The following NDST4 variants were observed in gnomAD, a reference collection of about 807,000 sequenced individuals.
NDST4 encodes N-heparan sulfate sulfotransferase 4.
NDST4 carries 63 observed loss-of-function variants against 100.8 expected under a neutral mutation model. That is an observed-to-expected ratio of 0.62 (90% CI 0.51 to 0.77). The LOEUF (loss-of-function observed/expected upper bound fraction) is 0.77, where lower values mean the gene tolerates loss of function less well. Ranked by LOEUF, NDST4 falls within the 30% of genes least tolerant of loss-of-function variation. The pLI is 0.00. For synonymous variants in NDST4, 377 were observed against 361.8 expected, an observed-to-expected ratio of 1.04 and a Z score of -0.48; for missense variants, 943 against 1,018.4, an observed-to-expected ratio of 0.93 and a Z score of 1.01.
chr4:115,068,068 G>T (rs1251134874), intron 2 of NDST4, among the ~76,000 whole-genome samples: 2 of 151,980 alleles, frequency 1.3e-5, no homozygotes, highest in East Asian at 1.9e-4. Context: ...ACAAAGAGAA[G>T]ATTTCAAATG....
intron 2 of NDST4, among the ~76,000 whole-genome samples, chr4:115,043,216 G>T (rs1215214311): frequency 2.6e-5 from 4 of 151,982 alleles, no homozygotes; most frequent in Non-Finnish European, 5.9e-5. Context: ...GCAAAATATT[G>T]GTTGTCAATC....
intron 12 of NDST4, among the ~76,000 whole-genome samples, chr4:114,831,183 C>G (rs56047645): frequency 0.24 from 32,406 of 135,862 alleles, 5,847 homozygotes; most frequent in African/African-American, 0.51. Context: ...CTCCCGAGTA[C>G]CTGGGACTAC....
intron 2 of NDST4, among the ~76,000 whole-genome samples, chr4:115,021,100 A>T (rs1359797180): frequency 6.6e-6 from 1 of 152,040 alleles, no homozygotes; most frequent in African/African-American, 2.4e-5. Flanking sequence ...ACAAAAAAAG[A>T]TATTGCATAC....
intron 2 of NDST4, among the ~76,000 whole-genome samples, chr4:114,993,643 A>G (rs191814532): frequency 8.6e-4 from 131 of 152,068 alleles, no homozygotes; most frequent in Non-Finnish European, 1.6e-3. Context: ...TTAAAAACCA[A>G]ATGATGAAGG....
At chr4:115,091,958 C>T (rs1311203613) in intron 1 of NDST4, among the ~76,000 whole-genome samples, 8 of 151,978 alleles carry the variant, frequency 5.3e-5, no homozygotes, top group Non-Finnish European at 1.2e-4. Context: ...ATATAAGATG[C>T]AAACTATATA....
chr4:114,910,758 T>C (rs1016969190), intron 6 of NDST4, among the ~76,000 whole-genome samples: 2 of 152,208 alleles, frequency 1.3e-5, no homozygotes, highest in South Asian at 4.1e-4. Context: ...TACTAGGCCC[T>C]TCTCCAAACT....
chr4:115,064,469 A>C (rs1728890128), intron 2 of NDST4, among the ~76,000 whole-genome samples: 1 of 152,058 alleles, frequency 6.6e-6, no homozygotes, highest in South Asian at 2.1e-4. Context: ...TGATGGTAGG[A>C]GGCACTCATG....
At chr4:115,007,986 T>C (rs1378939073) in intron 2 of NDST4, among the ~76,000 whole-genome samples, 1 of 129,520 alleles carries the variant, frequency 7.7e-6, no homozygotes, top group Non-Finnish European at 1.7e-5. Context: ...CACCACACAA[T>C]GGGCACTAAA....
At chr4:115,046,386 C>A (rs1169142542) in intron 2 of NDST4, among the ~76,000 whole-genome samples, 1 of 152,158 alleles carries the variant, frequency 6.6e-6, no homozygotes, top group Non-Finnish European at 1.5e-5. Flanking sequence ...TACTAAAAAT[C>A]TCTGTAGTGC....
intron 2 of NDST4, among the ~76,000 whole-genome samples, chr4:115,039,984 T>G (rs941545589): frequency 1.3e-5 from 2 of 152,012 alleles, no homozygotes; most frequent in Non-Finnish European, 2.9e-5. Flanking sequence ...TGTATGTACA[T>G]ATGCATATAT....
At chr4:115,058,435 T>C (rs970335137) in intron 2 of NDST4, among the ~76,000 whole-genome samples, 1 of 152,184 alleles carries the variant, frequency 6.6e-6, no homozygotes, top group East Asian at 1.9e-4. Context: ...AATCATTATA[T>C]TGACTGCTTT....
At chr4:115,049,132 G>T (rs1257486054) in intron 2 of NDST4, among the ~76,000 whole-genome samples, 1 of 152,082 alleles carries the variant, frequency 6.6e-6, no homozygotes. Flanking sequence ...AGAATGTGTT[G>T]CCTCATCTTT....
In NDST4 at chr4:115,061,165, A is replaced by G. The variant is rs957432806; in HGVS notation, c.978+14894T>C. Among the ~76,000 whole-genome samples the G allele has an allele frequency of 5.9e-5, 9 of 152,162 alleles. No homozygotes were observed. The South Asian group carries it at 1.2e-3, about 21-fold the overall frequency. ...AATGGCGAAATAGGAATGCTTTTAC[A>G]CTGTTGGTGGGAGTGTAAATTAGTT... On this transcript the variant is annotated intron_variant, in intron 2 of 13. Coordinates refer to ENST00000264363, the MANE Select transcript of NDST4 (RefSeq NM_022569.3).
chr4:115,062,134 TC>T (rs2126283821), intron 2 of NDST4, among the ~76,000 whole-genome samples: 1 of 151,796 alleles, frequency 6.6e-6, no homozygotes, highest in African/African-American at 2.4e-5. Flanking sequence ...TGAACAACAC[TC>T]AAAAAGAAAA....
At chr4:115,010,343 A>C (rs1727514512) in intron 2 of NDST4, among the ~76,000 whole-genome samples, 2 of 128,584 alleles carry the variant, frequency 1.6e-5, no homozygotes, top group Admixed American at 7.9e-5. Flanking sequence ...ACACCATGGA[A>C]TACTATGCAG....
intron 2 of NDST4, 106 bp downstream of exon 2, chr4:115,075,953 A>T (rs1729170663): frequency 3.0e-6 from 4 of 1,334,194 alleles, no homozygotes; most frequent in Middle Eastern, 2.0e-4. Context: ...TTTCAACTCT[A>T]CTGCACCTTA....
In NDST4 at chr4:114,935,195, A is replaced by C; in HGVS notation, c.1536+11T>G. On this transcript the variant is annotated intron_variant, in intron 6 of 13. Coordinates refer to ENST00000264363, the MANE Select transcript of NDST4 (RefSeq NM_022569.3). ...TAATCTTATTGTAAGGTGCATACAT[A>C]GAATACATACTGGGTTTAGAAGGAT... 1 of 1,587,974 alleles carries C rather than the reference A, an allele frequency of 6.3e-7. No homozygotes were observed. Among genetic ancestry groups the C allele is most frequent in the Non-Finnish European group, 8.6e-7 (1 of 1,169,186 alleles).
At chr4:114,956,426 T>C (rs1238810994) in intron 4 of NDST4, among the ~76,000 whole-genome samples, 1 of 152,178 alleles carries the variant, frequency 6.6e-6, no homozygotes, top group African/African-American at 2.4e-5. Context: ...GAGGAGGCTG[T>C]TGTTATCATA....
rs1163776325 is a variant in NDST4 at position 115,015,897 on chromosome 4, C to T, written c.979-38623G>A. 7.2e-5 allele frequency among the ~76,000 whole-genome samples: 11 copies of T among 152,130 alleles called. No individual in the cohort carries two copies. In the East Asian group the frequency reaches 1.9e-3, roughly 27 times the overall value. The stretch of plus-strand genomic sequence containing the variant: ...TTGATTTCCTGATATGGTATCATTC[C>T]CTAAGGTAATCAGTCTGCTGCTTGC... On this transcript the variant is annotated intron_variant, in intron 2 of 13. Coordinates refer to ENST00000264363, the MANE Select transcript of NDST4 (RefSeq NM_022569.3).
Sources: gnomAD v4.1 joint callset for allele counts (sites outside exome capture counted in the v4.1 genomes callset) on GRCh38, gnomAD v4.1.1 for gene constraint, MANE v1.5 for transcripts, NCBI Gene and HGNC (gene_info 2026-07-23, HGNC 2026-07-21) for gene names.